Variants in SFMBT2 observed in about 807,000 individuals in gnomAD.
SFMBT2 encodes Scm like with four mbt domains 2.
SFMBT2 carries 38 observed loss-of-function variants against 110.1 expected under a neutral mutation model. That is an observed-to-expected ratio of 0.35 (90% CI 0.27 to 0.45). The LOEUF (loss-of-function observed/expected upper bound fraction) is 0.45, where lower values mean the gene tolerates loss of function less well. SFMBT2 is among the 20% of genes least tolerant of loss of function. The pLI is 1.00. For missense variants in SFMBT2, 1,011 were observed against 1,094.9 expected, an observed-to-expected ratio of 0.92 and a Z score of 1.08; for synonymous variants, 425 against 425.4, an observed-to-expected ratio of 1.00 and a Z score of 0.01.
intron 7 of SFMBT2, chr10:7,263,979 C>A (rs916984524): frequency 9.1e-6 from 2 of 219,700 alleles, no homozygotes; most frequent in Non-Finnish European, 1.5e-5. Context: ...TATAATCACA[C>A]TGACAGGTAC....
At chr10:7,403,842 A>T (rs1846145292) in intron 1 of SFMBT2, among the ~76,000 whole-genome samples, 1 of 152,176 alleles carries the variant, frequency 6.6e-6, no homozygotes. Flanking sequence ...AGGATGACAA[A>T]ACTCTCCTAA....
chr10:7,329,953 C>G (rs763656302), intron 4 of SFMBT2, among the ~76,000 whole-genome samples: 1 of 152,172 alleles, frequency 6.6e-6, no homozygotes, highest in Non-Finnish European at 1.5e-5. Flanking sequence ...CAAGAAATGT[C>G]AAAGAATTCT....
intron 1 of SFMBT2, among the ~76,000 whole-genome samples, chr10:7,390,568 G>GA (rs1355622347): frequency 9.9e-5 from 15 of 151,916 alleles, no homozygotes; most frequent in Non-Finnish European, 8.8e-5. Context: ...ATAAATTCAG[G>GA]AAAATCATTC....
intron 9 of SFMBT2, among the ~76,000 whole-genome samples, chr10:7,230,014 GC>G (rs765440627): frequency 1.1e-5 from 1 of 93,400 alleles, no homozygotes; most frequent in African/African-American, 4.4e-5. Flanking sequence ...ACCCCGCCCA[GC>G]CCTATATATA....
At chr10:7,232,913 A>C (rs1476900602) in intron 9 of SFMBT2, among the ~76,000 whole-genome samples, 1 of 152,148 alleles carries the variant, frequency 6.6e-6, no homozygotes, top group Non-Finnish European at 1.5e-5. Flanking sequence ...TTGCCAGTAG[A>C]ATCCTGACTT....
chr10:7,370,784 T>C (rs1845041277), intron 2 of SFMBT2: 1 of 967,444 alleles, frequency 1.0e-6, no homozygotes, highest in Non-Finnish European at 1.2e-6. Context: ...CTGTGATGTA[T>C]ACAGAGAACA....
intron 6 of SFMBT2, among the ~76,000 whole-genome samples, chr10:7,279,614 G>A (rs1002778527): frequency 1.3e-5 from 2 of 152,162 alleles, no homozygotes; most frequent in African/African-American, 4.8e-5. Context: ...CGTGTTGCAG[G>A]TAACTGAATA....
chr10:7,304,196 G>A (rs549713765), intron 4 of SFMBT2, among the ~76,000 whole-genome samples: 41 of 152,304 alleles, frequency 2.7e-4, no homozygotes, highest in Admixed American at 7.8e-4. Context: ...CCACTGGGAG[G>A]TAACTGAATC....
At chr10:7,298,548 G>C (rs1368478739) in intron 4 of SFMBT2, among the ~76,000 whole-genome samples, 1 of 152,202 alleles carries the variant, frequency 6.6e-6, no homozygotes, top group Non-Finnish European at 1.5e-5. Flanking sequence ...GGACGCCCCA[G>C]GGATTATGAG....
intron 4 of SFMBT2, among the ~76,000 whole-genome samples, chr10:7,344,337 A>G (rs1053526347): frequency 6.6e-6 from 1 of 152,134 alleles, no homozygotes; most frequent in East Asian, 1.9e-4. Context: ...CCATTGAATC[A>G]TGGGGGCAGT....
chr10:7,215,568 A>G (rs1839507648), intron 11 of SFMBT2: 1 of 985,434 alleles, frequency 1.0e-6, no homozygotes, highest in Non-Finnish European at 1.2e-6. Flanking sequence ...TGCTCAACCA[A>G]GCACTGGAAT....
chr10:7,322,036 G>A (rs1478308364), intron 4 of SFMBT2, among the ~76,000 whole-genome samples: 2 of 151,992 alleles, frequency 1.3e-5, no homozygotes, highest in Admixed American at 6.6e-5. Flanking sequence ...TTCACATCAC[G>A]GTACATGATA....
chr10:7,254,564 G>A (rs944560247), intron 7 of SFMBT2, among the ~76,000 whole-genome samples: 3 of 152,222 alleles, frequency 2.0e-5, no homozygotes, highest in East Asian at 1.9e-4. Flanking sequence ...GCTCACATCT[G>A]TAATCCCAGC....
chr10:7,370,243 T>C (rs1845025004), intron 3 of SFMBT2, 38 bp downstream of exon 3: 4 of 1,571,998 alleles, frequency 2.5e-6, no homozygotes, highest in East Asian at 2.2e-5. Context: ...CCCTTCCCAC[T>C]TTCTAGACAC....
At chr10:7,315,096 GAAAGAAAGAAAGAAAA>G (rs1842969066) in intron 4 of SFMBT2, among the ~76,000 whole-genome samples, 6 of 145,044 alleles carry the variant, frequency 4.1e-5, no homozygotes, top group South Asian at 4.3e-4. Flanking sequence ...AAGAAAGAAA[GAAAGAAAGAAAGAAAA>G]AGCAAGCAAG....
rs1837917878 is a variant in SFMBT2, at chr10:7,172,561, C to T, written c.2085G>A (p.Arg695=). The T allele has an allele frequency of 6.2e-7, 1 of 1,614,100 alleles. No homozygotes were observed. Among genetic ancestry groups the T allele is most frequent in the Non-Finnish European group, 8.5e-7 (1 of 1,180,050 alleles). Residue 695 remains arginine (R), a synonymous_variant, in exon 18 of 21, where the codon CGG becomes CGA. Transcript: ENST00000397167. This position sits in a 1 kb window ranked among gnomAD's most constrained non-coding sequence, Gnocchi z 4.6. The stretch of plus-strand genomic sequence containing the variant: ...GTTTCTTCTGCACGAAAATGGATTT[C>T]CGTCGCTTCCTCCGCCTGGCGGGTT... ...HPKPARRRKR[R]KSIFVQKKRR...
intron 16 of SFMBT2, among the ~76,000 whole-genome samples, chr10:7,186,493 T>C (rs1364934154): frequency 6.8e-6 from 1 of 148,032 alleles, no homozygotes; most frequent in African/African-American, 2.5e-5. Context: ...TTATTTGTTG[T>C]AGAGACAGGG....
intron 4 of SFMBT2, among the ~76,000 whole-genome samples, chr10:7,339,059 G>A (rs919390767): frequency 6.6e-6 from 1 of 152,046 alleles, no homozygotes; most frequent in Non-Finnish European, 1.5e-5. Context: ...GGCCAACACG[G>A]CAAAACCCCG....
At chr10:7,231,843 T>C (rs1370348005) in intron 9 of SFMBT2, among the ~76,000 whole-genome samples, 1 of 152,226 alleles carries the variant, frequency 6.6e-6, no homozygotes, top group African/African-American at 2.4e-5. Context: ...TGAGCTGTCT[T>C]TGTAAGGCAG....
Sources: allele counts gnomAD v4.1 joint callset (sites outside exome capture counted in the v4.1 genomes callset), GRCh38; gene constraint gnomAD v4.1.1; non-coding constraint Gnocchi (gnomAD v3.1); transcripts MANE v1.5; gene names NCBI Gene and HGNC (gene_info 2026-07-23, HGNC 2026-07-21).